GALNT2: variants seen among roughly 807,000 people sequenced by gnomAD.
The protein encoded by GALNT2 is UDP-GalNAc:polypeptide N-acetylgalactosaminyltransferase 2.
GALNT2 carries 31 observed loss-of-function variants against 81.4 expected under a neutral mutation model. The ratio of observed to expected loss-of-function variants is 0.38; its 90% CI spans 0.29 to 0.51. GALNT2 has a LOEUF of 0.51. GALNT2 is among the 20% of genes least tolerant of loss of function. The probability of loss-of-function intolerance (pLI) is 0.87; values close to 1 mark genes in which losing one functional copy is unlikely to be tolerated. For synonymous variants in GALNT2, 303 were observed against 287.4 expected, an observed-to-expected ratio of 1.05 and a Z score of -0.55; for missense variants, 629 against 765.7, an observed-to-expected ratio of 0.82 and a Z score of 2.11.
At position 230,255,208 on chromosome 1, in the gene GALNT2, A is replaced by G. The variant is rs184773151; in HGVS notation, c.1010-10A>G. The G allele has an allele frequency of 8.7e-5, 141 of 1,614,122 alleles. No homozygotes were observed. The African/African-American group carries it at 1.7e-3, about 20-fold the overall frequency. ...TCTGTCAGTCACCTGTGTCTTGTTC[A>G]TCGTCTCAGAGATCTCGTTCCGCGT... is the stretch of plus-strand genomic sequence containing the variant. On this transcript the variant is annotated splice_polypyrimidine_tract_variant and intron_variant, in intron 10 of 15. Coordinates refer to ENST00000366672, the MANE Select transcript of GALNT2 (RefSeq NM_004481.5).
At chr1:230,235,534 TC>T (rs1267633998) in intron 3 of GALNT2, among the ~76,000 whole-genome samples, 1 of 152,190 alleles carries the variant, frequency 6.6e-6, no homozygotes, top group Non-Finnish European at 1.5e-5. Flanking sequence ...AGGGAAAACC[TC>T]CAGTGGGTCT....
chr1:230,110,344 A>G (rs1481705977), intron 1 of GALNT2, among the ~76,000 whole-genome samples: 1 of 152,154 alleles, frequency 6.6e-6, no homozygotes, highest in Non-Finnish European at 1.5e-5. Flanking sequence ...GAGAATGTTC[A>G]GGGCTGTTCT....
At chr1:230,268,709 A>C (rs1305935235) in intron 14 of GALNT2, among the ~76,000 whole-genome samples, 2 of 152,124 alleles carry the variant, frequency 1.3e-5, no homozygotes, top group Non-Finnish European at 2.9e-5. Context: ...TGGCAGGTCT[A>C]CGGGAACCAA....
At chr1:230,276,113 A>G (rs919720407) in intron 15 of GALNT2, among the ~76,000 whole-genome samples, 18 of 151,090 alleles carry the variant, frequency 1.2e-4, no homozygotes, top group African/African-American at 3.4e-4. Context: ...ATATACATAT[A>G]TAGACACCAC....
chr1:230,266,232 C>T (rs574959268), intron 14 of GALNT2, among the ~76,000 whole-genome samples: 3 of 152,280 alleles, frequency 2.0e-5, no homozygotes, highest in Admixed American at 2.0e-4. Context: ...AAACCCACTA[C>T]CTTCTCTTCT....
At chr1:230,136,950 A>G (rs1340119134) in intron 1 of GALNT2, among the ~76,000 whole-genome samples, 1 of 152,204 alleles carries the variant, frequency 6.6e-6, no homozygotes, top group Non-Finnish European at 1.5e-5. Flanking sequence ...ACGGACAGCG[A>G]AGCCAGACAC....
At chr1:230,069,271 G>GTT (rs914999742) in intron 1 of GALNT2, among the ~76,000 whole-genome samples, 5 of 150,978 alleles carry the variant, frequency 3.3e-5, no homozygotes, top group Admixed American at 3.3e-4. Context: ...GTTTTTTTTT[G>GTT]TTTTGTTTTG....
rs1666368010 is a variant in GALNT2, at chr1:230,279,104, C to T, written c.1561-199C>T. Among the ~76,000 whole-genome samples, 1 of 152,206 alleles carries T rather than the reference C, an allele frequency of 6.6e-6. No homozygotes were observed. The highest frequency in any genetic ancestry group is 2.4e-5 in the African/African-American group (1 of 41,454). ...TTGATCCAAGGCAGAGAATATGTTT[C>T]CTTCCTGGGTCCCAGCAGCACCTGT... On this transcript the variant is annotated intron_variant, in intron 15 of 15. Coordinates refer to ENST00000366672, the MANE Select transcript of GALNT2 (RefSeq NM_004481.5). This position sits in a 1 kb window ranked among gnomAD's most constrained non-coding sequence, Gnocchi z 4.6.
intron 1 of GALNT2, among the ~76,000 whole-genome samples, chr1:230,076,963 A>T (rs563849741): frequency 6.6e-6 from 1 of 152,254 alleles, no homozygotes; most frequent in African/African-American, 2.4e-5. Context: ...GCCCTAGAAA[A>T]ATGACGCACT....
intron 3 of GALNT2, among the ~76,000 whole-genome samples, chr1:230,224,036 G>A (rs1262541918): frequency 6.6e-6 from 1 of 152,192 alleles, no homozygotes; most frequent in Admixed American, 6.5e-5. Context: ...TTTGAGACAG[G>A]CAGAGCAGAT....
rs959556371 is a variant in GALNT2, at chr1:230,243,954, A to C, written c.729+527A>C. On this transcript the variant is annotated intron_variant, in intron 7 of 15. Coordinates refer to ENST00000366672, the MANE Select transcript of GALNT2 (RefSeq NM_004481.5). This position sits in a 1 kb window ranked among gnomAD's most constrained non-coding sequence, Gnocchi z 4.2. Reference sequence around the variant, plus strand: ...ATACAGGGACCGGTGGGGTTGTCAGAGGGTGATCCGCGGCTCCACTTCTGC... The same window carrying C: ...ATACAGGGACCGGTGGGGTTGTCAGCGGGTGATCCGCGGCTCCACTTCTGC... 1.7e-4 allele frequency among the ~76,000 whole-genome samples: 26 copies of C among 152,024 alleles called. No individual in the cohort carries two copies. The highest frequency in any genetic ancestry group is 5.6e-4 in the African/African-American group (23 of 41,402).
intron 1 of GALNT2, among the ~76,000 whole-genome samples, chr1:230,078,546 T>A (rs943826759): frequency 2.0e-5 from 3 of 152,238 alleles, no homozygotes; most frequent in Admixed American, 2.0e-4. Flanking sequence ...TCCACAGTGA[T>A]TCTTTTCATA....
intron 1 of GALNT2, among the ~76,000 whole-genome samples, chr1:230,128,868 G>A (rs556526817): frequency 6.6e-6 from 1 of 152,170 alleles, no homozygotes; most frequent in African/African-American, 2.4e-5. Context: ...GCGCTTTCTG[G>A]TTCGGGGACA....
intron 2 of GALNT2, among the ~76,000 whole-genome samples, chr1:230,202,755 A>G (rs914055976): frequency 3.3e-5 from 5 of 152,176 alleles, no homozygotes; most frequent in Admixed American, 6.5e-5. Context: ...TTTATACATG[A>G]TCTTCTTCAC....
chr1:230,235,181 T>G (rs937802239), intron 3 of GALNT2, among the ~76,000 whole-genome samples: 3 of 134,964 alleles, frequency 2.2e-5, no homozygotes, highest in African/African-American at 8.7e-5. Context: ...GCCACTGCAC[T>G]CTAGGATGGG....
intron 1 of GALNT2, among the ~76,000 whole-genome samples, chr1:230,128,575 A>G (rs1661266797): frequency 8.0e-6 from 1 of 125,316 alleles, no homozygotes; most frequent in African/African-American, 3.1e-5. Context: ...AAAGTAAAAC[A>G]GGAATGATCT....
rs916227409 is a variant in GALNT2, at chr1:230,271,279, A to G, written c.1441-3166A>G. Among the ~76,000 whole-genome samples, 9 of 152,174 alleles carry G rather than the reference A, an allele frequency of 5.9e-5. No individual in the cohort carries two copies. The highest frequency in any genetic ancestry group is 1.9e-4 in the African/African-American group (8 of 41,434). ...GGGAAACACACACGGCTTCCTCTCT[A>G]CACTCCACACCTTCCATACTCTGTG... On this transcript the variant is annotated intron_variant, in intron 14 of 15. Transcript: ENST00000366672. The surrounding 1 kb of genome is among the most constrained non-coding windows in gnomAD (Gnocchi z 4.2).
At chr1:230,203,561 G>C (rs998050721) in intron 3 of GALNT2, among the ~76,000 whole-genome samples, 1 of 152,220 alleles carries the variant, frequency 6.6e-6, no homozygotes, top group African/African-American at 2.4e-5. Context: ...CAGAAAGAGA[G>C]TTGTGTGACT....
rs1459904381 is a variant in GALNT2, at chr1:230,257,756, G to A, written c.1136+2412G>A. On this transcript the variant is annotated intron_variant, in intron 11 of 15. Transcript: ENST00000366672. The surrounding 1 kb of genome is among the most constrained non-coding windows in gnomAD (Gnocchi z 4.6). ...CAGCTCCATGGTGAAGCAGGCAGCT[G>A]TTTGCTAATAGGGCGGCAGAGAGAA... is the stretch of plus-strand genomic sequence containing the variant. Among the ~76,000 whole-genome samples the A allele has an allele frequency of 6.6e-6, 1 of 152,232 alleles. No individual in the cohort carries two copies. The highest frequency in any genetic ancestry group is 1.5e-5 in the Non-Finnish European group (1 of 68,040).
Sources: gnomAD v4.1 joint callset for allele counts (sites outside exome capture counted in the v4.1 genomes callset) on GRCh38, gnomAD v4.1.1 for gene constraint, Gnocchi (gnomAD v3.1) non-coding constraint, MANE v1.5 for transcripts, NCBI Gene and HGNC (gene_info 2026-07-23, HGNC 2026-07-21) for gene names.